Variants in TLE4 observed in about 807,000 individuals in gnomAD.
TLE4 encodes the protein TLE family member 4, transcriptional corepressor.
TLE4 carries 8 observed loss-of-function variants against 92.8 expected under a neutral mutation model. The ratio of observed to expected loss-of-function variants is 0.09; its 90% confidence interval spans 0.05 to 0.16. The LOEUF (loss-of-function observed/expected upper bound fraction) is 0.16, where lower values mean the gene tolerates loss of function less well. Ranked by LOEUF, TLE4 falls within the 10% of genes least tolerant of loss-of-function variation. The pLI is 1.00. For synonymous variants in TLE4, 371 were observed against 374.1 expected (o/e 0.99, Z 0.10); for missense variants, 675 against 997.6 (o/e 0.68, Z 4.36).
chr9:79,700,459 C>T (rs2069497100), intron 8 of TLE4, among the ~76,000 whole-genome samples: 1 of 152,132 alleles, frequency 6.6e-6, no homozygotes, highest in Admixed American at 6.6e-5. Flanking sequence ...TTTCAAGTTG[C>T]TGGAGGTGTC....
At chr9:79,648,202 A>G (rs2058395952) in intron 6 of TLE4, among the ~76,000 whole-genome samples, 1 of 152,154 alleles carries the variant, frequency 6.6e-6, no homozygotes, top group African/African-American at 2.4e-5. Context: ...TAACTATCAA[A>G]GGAGTATTTT....
intron 8 of TLE4, among the ~76,000 whole-genome samples, chr9:79,696,921 C>G (rs1222355763): frequency 6.6e-6 from 1 of 152,120 alleles, no homozygotes; most frequent in Admixed American, 6.5e-5. Context: ...TTTGCCAACC[C>G]TCTCCACTTT....
chr9:79,632,482 A>G (rs552137639), intron 6 of TLE4, among the ~76,000 whole-genome samples: 58 of 152,106 alleles, frequency 3.8e-4, no homozygotes, highest in Non-Finnish European at 7.2e-4. Context: ...CCCGGCAGAC[A>G]CTTAGGATTT....
intron 6 of TLE4, among the ~76,000 whole-genome samples, chr9:79,651,226 A>G (rs2058923305): frequency 6.6e-6 from 1 of 152,196 alleles, no homozygotes; most frequent in African/African-American, 2.4e-5. Context: ...AGAATTACTC[A>G]ATACTTGTTG....
chr9:79,589,326 T>A (rs2041974135), intron 4 of TLE4, among the ~76,000 whole-genome samples: 1 of 152,166 alleles, frequency 6.6e-6, no homozygotes, highest in African/African-American at 2.4e-5. Flanking sequence ...GGTTTTTTCC[T>A]CCCTTTCCCA....
chr9:79,638,499 T>C (rs2133871250), intron 6 of TLE4, among the ~76,000 whole-genome samples: 1 of 152,102 alleles, frequency 6.6e-6, no homozygotes, highest in African/African-American at 2.4e-5. Context: ...TCTTGAATCC[T>C]TTTTAAGGCA....
chr9:79,621,163 T>G (rs529977600), intron 5 of TLE4, among the ~76,000 whole-genome samples: 1 of 152,340 alleles, frequency 6.6e-6, no homozygotes, highest in African/African-American at 2.4e-5. Context: ...TGATTTGTAC[T>G]AGCAAATTTA....
At chr9:79,620,015 C>T (rs2050579649) in intron 5 of TLE4, among the ~76,000 whole-genome samples, 1 of 152,160 alleles carries the variant, frequency 6.6e-6, no homozygotes, top group South Asian at 2.1e-4. Context: ...CCTGTTTGAC[C>T]TCAAGAAGTG....
chr9:79,636,421 C>T (rs1228124253), intron 6 of TLE4, among the ~76,000 whole-genome samples: 2 of 152,154 alleles, frequency 1.3e-5, no homozygotes, highest in Admixed American at 6.6e-5. Flanking sequence ...CTTTCACTGG[C>T]CTTTCTGCTG....
chr9:79,708,705 T>C lies in TLE4; in HGVS notation c.1182T>C (p.Ala394=). 1 of 1,613,464 alleles carries C rather than the reference T, an allele frequency of 6.2e-7. No individual in the cohort carries two copies. Among genetic ancestry groups the C allele is most frequent in the Non-Finnish European group, 8.5e-7 (1 of 1,180,036 alleles). ...TGACCAGCCCCGGAGCGGCCTACGC[T>C]GGGCTCCACAACATCTCCCCTCAGA... The part of the protein sequence containing the change: ...GELTSPGAAY[A]GLHNISPQMS... The change falls in exon 13 of 20, where the codon GCT becomes GCC. Residue 394 remains alanine, a synonymous_variant. Transcript: ENST00000376552.
chr9:79,612,838 C>A, intron 5 of TLE4, 120 bp downstream of exon 5: 1 of 820,698 alleles, frequency 1.2e-6, no homozygotes, highest in South Asian at 1.6e-5. Context: ...ATTTTATTTT[C>A]ATTTCTAAGA....
At chr9:79,573,225 GCGCCGGCCCCTCGCGCCGCGGGC>G in intron 1 of TLE4, 1 of 1,012,194 alleles carries the variant, frequency 9.9e-7, no homozygotes, top group Non-Finnish European at 1.2e-6. Flanking sequence ...GAAGTGCGGG[GCGCCGGCCCCTCGCGCCGCGGGC>G]CGCCGGGGCG....
chr9:79,671,673 T>A (rs564162954), intron 8 of TLE4: 19 of 159,338 alleles, frequency 1.2e-4, no homozygotes, highest in Non-Finnish European at 4.2e-5. Flanking sequence ...TATTTGCAGC[T>A]TCTTTTCTTC....
At chr9:79,713,473 T>G (rs758551179) in intron 14 of TLE4, among the ~76,000 whole-genome samples, 3 of 152,190 alleles carry the variant, frequency 2.0e-5, no homozygotes, top group Non-Finnish European at 2.9e-5. Context: ...TGTGTTCGTG[T>G]TGAGAGGAGG....
intron 4 of TLE4, among the ~76,000 whole-genome samples, chr9:79,597,968 C>T (rs1444188857): frequency 6.6e-6 from 1 of 150,974 alleles, no homozygotes; most frequent in African/African-American, 2.4e-5. Context: ...CGTGGTGGCT[C>T]ACGCCTGTAA....
intron 4 of TLE4, among the ~76,000 whole-genome samples, chr9:79,588,120 CTTT>C (rs1291231722): frequency 7.9e-6 from 1 of 127,126 alleles, no homozygotes; most frequent in Non-Finnish European, 1.7e-5. Flanking sequence ...TGGTAAACTT[CTTT>C]GTTTATCCTT....
intron 14 of TLE4, among the ~76,000 whole-genome samples, chr9:79,715,602 T>A (rs2136136379): frequency 6.6e-6 from 1 of 152,266 alleles, no homozygotes; most frequent in African/African-American, 2.4e-5. Context: ...AAAACCTTGC[T>A]CCTTTCAGGC....
Position 79,625,089 on chromosome 9 carries a change from G to A in TLE4, c.316-2285G>A, listed in dbSNP as rs1424012581. 9.6e-5 allele frequency among the ~76,000 whole-genome samples: 12 copies of A among 125,464 alleles called. No homozygotes were observed. The East Asian group carries it at 2.7e-3, about 28-fold the overall frequency. 82.3% of individuals were successfully genotyped at this position (125,464 alleles called of 152,430 possible). A position where few individuals can be genotyped will look rare whatever the true frequency, so the allele number is the denominator to read the frequency against. On this transcript the variant is annotated intron_variant, in intron 5 of 19. Transcript: ENST00000376552. ...GGCTGGAGTGCAGTGGCGGGATCTC[G>A]GCTCACTGCAAGCTCCGCCTCCCGG...
intron 14 of TLE4, 134 bp from the exon 15 acceptor site, chr9:79,718,588 G>A (rs890786095): frequency 7.6e-7 from 1 of 1,313,504 alleles, no homozygotes; most frequent in Non-Finnish European, 1.0e-6. Flanking sequence ...TCTTTACACT[G>A]TATGGACAAA....
Sources: gnomAD v4.1 joint callset for allele counts (sites outside exome capture counted in the v4.1 genomes callset) on GRCh38, gnomAD v4.1.1 for gene constraint, MANE v1.5 for transcripts, NCBI Gene and HGNC (gene_info 2026-07-23, HGNC 2026-07-21) for gene names.